Variants in SLC12A8 observed in about 807,000 individuals in gnomAD.
The protein encoded by SLC12A8 is cation-chloride cotransporter 9.
SLC12A8 carries 69 observed loss-of-function variants against 75.6 expected under a neutral mutation model. The observed-to-expected ratio is 0.91, with a 90% CI of 0.75 to 1.11. The LOEUF (loss-of-function observed/expected upper bound fraction) is 1.11. Among genes scored for constraint, SLC12A8 ranks in the 50% most tolerant of loss-of-function variants. The pLI, the probability that SLC12A8 is intolerant of heterozygous loss-of-function variation, is 0.00. For missense variants in SLC12A8, 877 were observed against 896.7 expected (o/e 0.98, Z 0.28); for synonymous variants, 365 against 372.8 (o/e 0.98, Z 0.24).
At chr3:125,151,033 T>G (rs1462306329) in intron 5 of SLC12A8, 1 of 152,214 alleles carries the variant, frequency 6.6e-6, no homozygotes, top group African/African-American at 2.4e-5. Flanking sequence ...ACTTGTTTGT[T>G]TATGGCACTT....
chr3:125,138,847 C>CAA (rs1933558169), intron 5 of SLC12A8, among the ~76,000 whole-genome samples: 1 of 39,096 alleles, frequency 2.6e-5, no homozygotes, highest in Non-Finnish European at 6.4e-5. Flanking sequence ...TTCTACAAAA[C>CAA]ACACACACAC....
chr3:125,110,693 T>C, intron 8 of SLC12A8: 1 of 175,458 alleles, frequency 5.7e-6, no homozygotes. Context: ...AGACCACACT[T>C]TGAGAACAAA....
At chr3:125,172,933 C>T (rs757607896) in intron 5 of SLC12A8, among the ~76,000 whole-genome samples, 4 of 152,204 alleles carry the variant, frequency 2.6e-5, no homozygotes, top group African/African-American at 9.6e-5. Flanking sequence ...AATCACAGCA[C>T]TTTGGGAGGC....
chr3:125,097,210 C>A (rs917945460), intron 10 of SLC12A8, among the ~76,000 whole-genome samples: 9 of 136,126 alleles, frequency 6.6e-5, no homozygotes, highest in Admixed American at 5.9e-4. Flanking sequence ...CATGGTGAAA[C>A]CCCGTCTCTA....
Position 125,165,700 on chromosome 3 carries a change from C to T in SLC12A8, c.622+12043G>A, listed in dbSNP as rs141610082. Among the ~76,000 whole-genome samples, 21 of 152,338 alleles carry T rather than the reference C, an allele frequency of 1.4e-4. No homozygotes were observed. In the East Asian group the frequency reaches 4.1e-3, roughly 29 times the overall value. On this transcript the variant is annotated intron_variant, in intron 5 of 13. Transcript: ENST00000469902. The stretch of plus-strand genomic sequence containing the variant: ...CAGAAAAGGCCACTGAGTCAGGCAT[C>T]ACAACCTTCCACGCAGTGTGTTCGT...
intron 5 of SLC12A8, among the ~76,000 whole-genome samples, chr3:125,145,567 T>C (rs1933751897): frequency 6.6e-6 from 1 of 152,222 alleles, no homozygotes; most frequent in Non-Finnish European, 1.5e-5. Context: ...AAATGTTGTA[T>C]AATTCCCCTT....
intron 5 of SLC12A8, among the ~76,000 whole-genome samples, chr3:125,161,960 A>G (rs1934185159): frequency 6.6e-6 from 1 of 152,208 alleles, no homozygotes; most frequent in South Asian, 2.1e-4. Context: ...CTTCTTCCCA[A>G]GAAGGTCTGA....
At chr3:125,111,842 T>G (rs1260664611) in intron 8 of SLC12A8, among the ~76,000 whole-genome samples, 1 of 152,192 alleles carries the variant, frequency 6.6e-6, no homozygotes, top group Non-Finnish European at 1.5e-5. Context: ...ACTGGTGGTT[T>G]GTAGAATCAT....
rs1452190208 is a variant in SLC12A8, at chr3:125,108,094, G to C, written c.1092C>G (p.Ile364Met). The change falls in exon 10 of 14, where the codon ATC becomes ATG. Residue 364 changes from isoleucine to methionine, a missense_variant. Transcript: ENST00000469902. ...KGPNKTPVAA[I>M]CLTSLVTMAF... is the part of the protein sequence containing the mutation. Reference sequence around the variant, plus strand: ...CCATGGTCACCAAGCTGGTCAGGCAGATGGCAGCCACGGGTGTTTTGTTTG... The same window carrying C: ...CCATGGTCACCAAGCTGGTCAGGCACATGGCAGCCACGGGTGTTTTGTTTG... The C allele has an allele frequency of 1.2e-6, 2 of 1,614,082 alleles. No individual in the cohort carries two copies. The highest frequency in any genetic ancestry group is 1.3e-5 in the African/African-American group (1 of 75,056).
At chr3:125,101,941 A>G (rs1196832898) in intron 10 of SLC12A8, among the ~76,000 whole-genome samples, 3 of 152,232 alleles carry the variant, frequency 2.0e-5, no homozygotes, top group Non-Finnish European at 4.4e-5. Context: ...ACGAGTACAG[A>G]GGTAAAAAGA....
chr3:125,160,840 C>T (rs1416527465), intron 5 of SLC12A8, among the ~76,000 whole-genome samples: 3 of 80,164 alleles, frequency 3.7e-5, no homozygotes, highest in African/African-American at 5.0e-5. Flanking sequence ...GAGGGAGCTG[C>T]ACGGGGGCAC....
At chr3:125,103,435 T>C (rs2107739177) in intron 10 of SLC12A8, among the ~76,000 whole-genome samples, 1 of 142,900 alleles carries the variant, frequency 7.0e-6, no homozygotes, top group Admixed American at 7.1e-5. Flanking sequence ...AAAGCTCTTC[T>C]AAACAGTTTT....
At chr3:125,120,865 C>T (rs1453474308) in intron 6 of SLC12A8, 179 bp from the exon 7 acceptor site, 2 of 704,762 alleles carry the variant, frequency 2.8e-6, no homozygotes, top group Non-Finnish European at 5.2e-6. Context: ...AGGGAGGCAT[C>T]CCTGTGGCGT....
intron 5 of SLC12A8, among the ~76,000 whole-genome samples, chr3:125,176,679 C>T (rs1319747113): frequency 3.3e-5 from 5 of 151,948 alleles, no homozygotes; most frequent in African/African-American, 1.2e-4. Context: ...TGAACAGACA[C>T]TTCTCAAAAG....
intron 4 of SLC12A8, among the ~76,000 whole-genome samples, chr3:125,182,840 GC>G (rs2107791584): frequency 6.6e-6 from 1 of 152,110 alleles, no homozygotes; most frequent in African/African-American, 2.4e-5. Flanking sequence ...AAACAAGCAA[GC>G]ACTTCAAAAA....
intron 7 of SLC12A8, 133 bp from the exon 8 acceptor site, chr3:125,118,989 C>T: frequency 1.7e-6 from 1 of 599,654 alleles, no homozygotes. Flanking sequence ...ATGAAGCTTC[C>T]CCAGCTGGCT....
At chr3:125,169,965 T>C (rs542409867) in intron 5 of SLC12A8, among the ~76,000 whole-genome samples, 2 of 141,514 alleles carry the variant, frequency 1.4e-5, no homozygotes, top group South Asian at 2.3e-4. Flanking sequence ...GAAAAGAAAA[T>C]AGGGAAAATA....
At chr3:125,179,120 C>T (rs1051612860) in intron 4 of SLC12A8, among the ~76,000 whole-genome samples, 1 of 152,198 alleles carries the variant, frequency 6.6e-6, no homozygotes, top group Non-Finnish European at 1.5e-5. Context: ...TAGCCCTGCC[C>T]TTGCCATTCT....
chr3:125,144,224 T>A (rs559026300), intron 5 of SLC12A8, among the ~76,000 whole-genome samples: 1 of 152,306 alleles, frequency 6.6e-6, no homozygotes, highest in East Asian at 1.9e-4. Context: ...TGCATACCAC[T>A]CATTCCAAGT....
Sources: allele counts gnomAD v4.1 joint callset (sites outside exome capture counted in the v4.1 genomes callset), GRCh38; gene constraint gnomAD v4.1.1; transcripts MANE v1.5; gene names NCBI Gene and HGNC (gene_info 2026-07-23, HGNC 2026-07-21).